The following KIAA0232 variants were observed in gnomAD, a reference collection of about 807,000 sequenced individuals.
KIAA0232 encodes uncharacterized protein KIAA0232.
A neutral mutation model predicts 122.0 loss-of-function variants in KIAA0232; 27 were observed. That is an observed-to-expected ratio of 0.22 (90% CI 0.16 to 0.31). KIAA0232 has a LOEUF of 0.31. Ranked by LOEUF, KIAA0232 falls within the 10% of genes least tolerant of loss-of-function variation. The pLI, the probability that KIAA0232 is intolerant of heterozygous loss-of-function variation, is 1.00. For synonymous variants in KIAA0232, 613 were observed against 587.6 expected, an observed-to-expected ratio of 1.04 and a Z score of -0.63; for missense variants, 1,551 against 1,634.2, an observed-to-expected ratio of 0.95 and a Z score of 0.88.
At chr4:6,812,584 ATGAG>A (rs1323859836) in intron 2 of KIAA0232, among the ~76,000 whole-genome samples, 1 of 152,238 alleles carries the variant, frequency 6.6e-6, no homozygotes, top group African/African-American at 2.4e-5. Context: ...GAAATTATGT[ATGAG>A]TGTCTACTTC....
intron 4 of KIAA0232, among the ~76,000 whole-genome samples, chr4:6,854,682 A>C (rs1460997650): frequency 1.3e-5 from 2 of 152,210 alleles, no homozygotes; most frequent in African/African-American, 4.8e-5. Context: ...TGGATACTGG[A>C]AGATGGGTGG....
intron 2 of KIAA0232, among the ~76,000 whole-genome samples, chr4:6,815,715 C>T (rs1386693308): frequency 1.3e-5 from 2 of 152,176 alleles, no homozygotes; most frequent in Admixed American, 6.5e-5. Flanking sequence ...CCTCTGCAGT[C>T]TGTACTGTGT....
intron 9 of KIAA0232, among the ~76,000 whole-genome samples, chr4:6,879,887 GT>G (rs1721974621): frequency 4.5e-5 from 3 of 66,468 alleles, no homozygotes; most frequent in South Asian, 4.9e-4. Flanking sequence ...GGTCTGCAGT[GT>G]CCCCTCACCA....
rs1718379682 is a variant in KIAA0232 at position 6,820,672 on chromosome 4, T to A, written c.-269-3513T>A. On this transcript the variant is annotated intron_variant, in intron 2 of 9. Coordinates refer to ENST00000307659, the MANE Select transcript of KIAA0232 (RefSeq NM_014743.3). ...AATAAAAGCTCTACAATGTTTTGTATTATTTTTGTTTAAGCAATTGTCTTT... is the reference window on the plus strand; with the variant it reads ...AATAAAAGCTCTACAATGTTTTGTAATATTTTTGTTTAAGCAATTGTCTTT... Among the ~76,000 whole-genome samples, 19 of 152,206 alleles carry A rather than the reference T, an allele frequency of 1.2e-4. 1 individual carries two copies. In the South Asian group the frequency reaches 3.8e-3, roughly 31 times the overall value.
At chr4:6,846,514 T>TTTA (rs1719975101) in intron 4 of KIAA0232, among the ~76,000 whole-genome samples, 1 of 152,036 alleles carries the variant, frequency 6.6e-6, no homozygotes, top group Non-Finnish European at 1.5e-5. Context: ...AAGAATCTAA[T>TTTA]GTCTGAGGTG....
intron 8 of KIAA0232, among the ~76,000 whole-genome samples, chr4:6,873,609 T>C (rs1462027896): frequency 2.0e-5 from 3 of 151,998 alleles, no homozygotes; most frequent in Non-Finnish European, 2.9e-5. Context: ...TTAGTCCAGT[T>C]TTCTGTCATT....
At chr4:6,813,548 G>A (rs1414533315) in intron 2 of KIAA0232, among the ~76,000 whole-genome samples, 1 of 151,922 alleles carries the variant, frequency 6.6e-6, no homozygotes, top group Non-Finnish European at 1.5e-5. Flanking sequence ...ATTTTTAGTA[G>A]AGATGGGGTT....
In KIAA0232 at chr4:6,862,039, A is replaced by G. The variant is rs773267441; in HGVS notation, c.1657A>G (p.Ile553Val). 3.1e-6 allele frequency: 5 copies of G among 1,614,216 alleles called. No homozygotes were observed. In the South Asian group the frequency reaches 5.5e-5, roughly 18 times the overall value. ...ENTDFEAECCIVLDGMELQGE... is the reference protein window; with the variant it reads ...ENTDFEAECCVVLDGMELQGE... ...CACAGATTTTGAGGCAGAATGTTGC[A>G]TAGTGTTAGATGGTATGGAGTTGCA... The change falls in exon 7 of 10, where the codon ATA becomes GTA. Residue 553 changes from isoleucine (I) to valine (V), a missense_variant. Transcript: ENST00000307659.
chr4:6,867,838 G>C (rs1283705627), intron 7 of KIAA0232, among the ~76,000 whole-genome samples: 1 of 152,232 alleles, frequency 6.6e-6, no homozygotes, highest in Non-Finnish European at 1.5e-5. Context: ...TGAGAGGTGA[G>C]ACAGCTGCCC....
intron 1 of KIAA0232, among the ~76,000 whole-genome samples, chr4:6,798,959 A>C (rs1282856831): frequency 1.3e-5 from 2 of 152,206 alleles, no homozygotes; most frequent in Admixed American, 1.3e-4. Context: ...GGATGCTACA[A>C]CAAAGTACCC....
chr4:6,866,637 A>C (rs1380252899), intron 7 of KIAA0232, among the ~76,000 whole-genome samples: 1 of 152,234 alleles, frequency 6.6e-6, no homozygotes, highest in Non-Finnish European at 1.5e-5. Context: ...TTTAAAGATC[A>C]GTAGAACCCC....
intron 2 of KIAA0232, among the ~76,000 whole-genome samples, chr4:6,805,445 G>C (rs1273652998): frequency 6.6e-6 from 1 of 152,066 alleles, no homozygotes; most frequent in Non-Finnish European, 1.5e-5. Context: ...TTGAAGTATT[G>C]CTTCTTACCT....
intron 4 of KIAA0232, among the ~76,000 whole-genome samples, chr4:6,846,069 A>G (rs1490678235): frequency 6.7e-6 from 1 of 149,018 alleles, no homozygotes; most frequent in Non-Finnish European, 1.5e-5. Flanking sequence ...GCATATTTGT[A>G]CTTGTATTGC....
In KIAA0232 at chr4:6,855,462, C is replaced by T. The variant is rs946003434; in HGVS notation, c.370-1702C>T. The stretch of plus-strand genomic sequence containing the variant: ...AGAAAAACCTGGTTGGTAGAGCTTG[C>T]TTTTACACAGAGAGTAAGGAGTAAG... On this transcript the variant is annotated intron_variant, in intron 4 of 9. Coordinates refer to ENST00000307659, the MANE Select transcript of KIAA0232 (RefSeq NM_014743.3). This position sits in a 1 kb window ranked among gnomAD's most constrained non-coding sequence, Gnocchi z 4.3. 1.3e-5 allele frequency among the ~76,000 whole-genome samples: 2 copies of T among 151,938 alleles called. No homozygotes were observed. Among genetic ancestry groups the T allele is most frequent in the Non-Finnish European group, 2.9e-5 (2 of 68,004 alleles).
At chr4:6,859,713 T>G (rs927159444) in intron 6 of KIAA0232, among the ~76,000 whole-genome samples, 1 of 152,208 alleles carries the variant, frequency 6.6e-6, no homozygotes, top group East Asian at 1.9e-4. Flanking sequence ...GTTCAGGCCC[T>G]TTGAAAACAT....
In KIAA0232 at chr4:6,823,801, T is replaced by C. The variant is rs149985228; in HGVS notation, c.-269-384T>C. ...AATTTTCATTTATTTTAAATGATAC[T>C]AAGCTTTTTAAAAGTTCACAATGTT... On this transcript the variant is annotated intron_variant, in intron 2 of 9. Transcript: ENST00000307659. Among the ~76,000 whole-genome samples, 689 of 152,266 alleles carry C rather than the reference T, an allele frequency of 4.5e-3. 7 individuals carry two copies. The highest frequency in any genetic ancestry group is 0.016 in the African/African-American group (649 of 41,564).
chr4:6,853,536 G>A (rs1720405373), intron 4 of KIAA0232, among the ~76,000 whole-genome samples: 1 of 152,194 alleles, frequency 6.6e-6, no homozygotes, highest in African/African-American at 2.4e-5. Context: ...ACTCCATTGA[G>A]CCATGTGCAA....
chr4:6,872,666 C>CA, intron 8 of KIAA0232, among the ~76,000 whole-genome samples: 1 of 152,346 alleles, frequency 6.6e-6, no homozygotes, highest in African/African-American at 2.4e-5. Context: ...AGTCTCCTGT[C>CA]AGAGTCCCGA....
Position 6,824,423 on chromosome 4 carries a change from C to CACAGAAAATGCCG in KIAA0232, c.-28_-27insGAAAATGCCGACA. 6.5e-7 allele frequency: 1 copy of CACAGAAAATGCCG among 1,548,120 alleles called. No homozygotes were observed. The highest frequency in any genetic ancestry group is 8.9e-7 in the Non-Finnish European group (1 of 1,119,978). On this transcript the variant is annotated 5_prime_UTR_variant, in exon 3 of 10. In the 5' UTR this introduces an upstream ATG that the reference lacks. Coordinates refer to ENST00000307659, the MANE Select transcript of KIAA0232 (RefSeq NM_014743.3). Reference sequence around the variant, plus strand: ...AGAATATCAACTGCAGAAAATGCTTCACATTTTAAGGATGTCGGCAACCTA... The same window carrying CACAGAAAATGCCG: ...AGAATATCAACTGCAGAAAATGCTTCACAGAAAATGCCGACATTTTAAGGATGTCGGCAACCTA...
Sources: allele counts gnomAD v4.1 joint callset (sites outside exome capture counted in the v4.1 genomes callset), GRCh38; gene constraint gnomAD v4.1.1; non-coding constraint Gnocchi (gnomAD v3.1); transcripts MANE v1.5; gene names NCBI Gene and HGNC (gene_info 2026-07-23, HGNC 2026-07-21).